The following TSHR variants were observed in gnomAD, a reference collection of about 807,000 sequenced individuals.
TSHR encodes the protein thyroid stimulating hormone receptor.
Under a neutral mutation model 64.1 loss-of-function variants are expected in TSHR, and 51 were observed. The observed-to-expected ratio is 0.80, with a 90% CI of 0.64 to 1.01. TSHR has a LOEUF of 1.01. Among genes scored for constraint, TSHR ranks in the 50% least tolerant of loss-of-function variants. The pLI, the probability that TSHR is intolerant of heterozygous loss-of-function variation, is 0.00. For missense variants in TSHR, 877 were observed against 942.8 expected, an observed-to-expected ratio of 0.93 and a Z score of 0.91; for synonymous variants, 361 against 361.9, an observed-to-expected ratio of 1.00 and a Z score of 0.03.
At chr14:81,044,095 T>C (rs142649067) in intron 1 of TSHR, among the ~76,000 whole-genome samples, 65 of 152,290 alleles carry the variant, frequency 4.3e-4, no homozygotes, top group African/African-American at 1.6e-3. Context: ...TGGGATCTAA[T>C]TAAAGTAAAG....
At chr14:81,010,943 T>C (rs866771631) in intron 1 of TSHR, among the ~76,000 whole-genome samples, 8 of 152,080 alleles carry the variant, frequency 5.3e-5, no homozygotes, top group Non-Finnish European at 1.0e-4. Context: ...CGGACATCAC[T>C]GCTTCTTGGT....
chr14:81,125,522 G>C (rs1410178875), intron 8 of TSHR, among the ~76,000 whole-genome samples: 1 of 152,018 alleles, frequency 6.6e-6, no homozygotes, highest in Non-Finnish European at 1.5e-5. Flanking sequence ...CACTGAGCTG[G>C]GACTGCTAAT....
chr14:81,040,555 G>A (rs1432041356), intron 1 of TSHR, among the ~76,000 whole-genome samples: 1 of 151,824 alleles, frequency 6.6e-6, no homozygotes, highest in African/African-American at 2.4e-5. Context: ...TATTTGCAAA[G>A]CATACATCTG....
intron 1 of TSHR, among the ~76,000 whole-genome samples, chr14:81,035,827 A>G (rs987411263): frequency 6.6e-6 from 1 of 152,180 alleles, no homozygotes; most frequent in African/African-American, 2.4e-5. Context: ...ATTTATTGGC[A>G]TCTTCATTCA....
intron 1 of TSHR, among the ~76,000 whole-genome samples, chr14:80,981,042 TG>T (rs1291733927): frequency 1.3e-5 from 2 of 152,212 alleles, no homozygotes; most frequent in African/African-American, 2.4e-5. Flanking sequence ...CTGTAATTCT[TG>T]GGGGTGTCAG....
intron 1 of TSHR, among the ~76,000 whole-genome samples, chr14:81,019,335 A>G (rs981325875): frequency 4.1e-5 from 6 of 146,988 alleles, no homozygotes; most frequent in African/African-American, 1.5e-4. Context: ...CTTTATCTCA[A>G]AAAAAAAAAA....
intron 1 of TSHR, among the ~76,000 whole-genome samples, chr14:81,011,364 G>A (rs373652500): frequency 4.1e-4 from 63 of 152,106 alleles, no homozygotes; most frequent in African/African-American, 1.5e-3. Flanking sequence ...GTTATTAGTT[G>A]TCTGTTCAGG....
At chr14:81,060,480 C>T (rs1005852021) in intron 1 of TSHR, among the ~76,000 whole-genome samples, 4 of 152,090 alleles carry the variant, frequency 2.6e-5, no homozygotes, top group Non-Finnish European at 5.9e-5. Flanking sequence ...CATGGCAAAA[C>T]ACCAGAGGTT....
rs1286180532 is a variant in TSHR, at chr14:81,071,161, A to AC, written c.317+2834dup. On this transcript the variant is annotated intron_variant, in intron 3 of 9. Coordinates refer to ENST00000298171, the MANE Select transcript of TSHR (RefSeq NM_000369.5). ...GTGATTTCTAAAAGCTTTTATGAAA[A>AC]CATTAAAATTTCTCAGTCAGTTATA... Among the ~76,000 whole-genome samples, 14 of 152,300 alleles carry AC rather than the reference A, an allele frequency of 9.2e-5. No homozygotes were observed. The East Asian group carries it at 2.7e-3, about 29-fold the overall frequency.
chr14:80,983,520 A>G, intron 1 of TSHR: 1 of 1,340,226 alleles, frequency 7.5e-7, no homozygotes, highest in South Asian at 1.2e-5. Flanking sequence ...TGGTGTGGCC[A>G]TATTTATTAA....
chr14:81,068,968 C>T (rs776549057), intron 3 of TSHR, among the ~76,000 whole-genome samples: 17 of 152,128 alleles, frequency 1.1e-4, no homozygotes, highest in Non-Finnish European at 1.5e-4. Flanking sequence ...TTTTCTATTT[C>T]GCTAGTAGAT....
intron 1 of TSHR, among the ~76,000 whole-genome samples, chr14:81,024,647 C>T (rs1253681444): frequency 2.6e-5 from 4 of 152,190 alleles, no homozygotes; most frequent in Admixed American, 2.6e-4. Context: ...TTTATACCTG[C>T]TGGTGTAGCT....
chr14:81,030,786 T>C (rs1460599342), intron 1 of TSHR, among the ~76,000 whole-genome samples: 1 of 152,138 alleles, frequency 6.6e-6, no homozygotes, highest in Admixed American at 6.5e-5. Flanking sequence ...ATTGAGAGGA[T>C]TGTCAGGAGA....
At chr14:81,113,499 C>T (rs1019169156) in intron 8 of TSHR, among the ~76,000 whole-genome samples, 4 of 152,122 alleles carry the variant, frequency 2.6e-5, no homozygotes, top group Non-Finnish European at 5.9e-5. Flanking sequence ...TGAGGGGATA[C>T]AGGTATAGAA....
At chr14:81,122,629 C>T (rs1890850851) in intron 8 of TSHR, among the ~76,000 whole-genome samples, 1 of 152,010 alleles carries the variant, frequency 6.6e-6, no homozygotes, top group Non-Finnish European at 1.5e-5. Flanking sequence ...AAGCCAAATC[C>T]TCATCTTCTA....
At position 80,966,824 on chromosome 14, in the gene TSHR, C is replaced by T. The variant is rs191170900; in HGVS notation, c.170+10974C>T. 2.0e-3 allele frequency among the ~76,000 whole-genome samples: 299 copies of T among 152,196 alleles called. 1 individual carries two copies. Among genetic ancestry groups the T allele is most frequent in the African/African-American group, 6.9e-3 (286 of 41,536 alleles). On this transcript the variant is annotated intron_variant, in intron 1 of 9. Coordinates refer to ENST00000298171, the MANE Select transcript of TSHR (RefSeq NM_000369.5). ...GACTGGAAGTCCAAGATGAGGGTGC[C>T]GGCAGATCTGTTGTCTTGTGAGGGC...
In TSHR at chr14:81,139,667, T is replaced by G. The variant is rs1595172445; in HGVS notation, c.693-12T>G. ...ACTGCCTCTCTGCATTTTTCTGTTCTCTGCCTCCCAGGGACGTGTCTCAAA... is the reference window on the plus strand; with the variant it reads ...ACTGCCTCTCTGCATTTTTCTGTTCGCTGCCTCCCAGGGACGTGTCTCAAA... On this transcript the variant is annotated splice_polypyrimidine_tract_variant and intron_variant, in intron 8 of 9. Transcript: ENST00000298171. The G allele has an allele frequency of 6.2e-7, 1 of 1,613,808 alleles. No individual in the cohort carries two copies. The highest frequency in any genetic ancestry group is 8.5e-7 in the Non-Finnish European group (1 of 1,180,044).
At chr14:81,017,643 A>G (rs1318588060) in intron 1 of TSHR, among the ~76,000 whole-genome samples, 2 of 152,088 alleles carry the variant, frequency 1.3e-5, no homozygotes, top group Non-Finnish European at 2.9e-5. Context: ...ATTCCAAACA[A>G]ATAGCCTAGG....
intron 1 of TSHR, among the ~76,000 whole-genome samples, chr14:81,044,617 C>G (rs1035521746): frequency 6.7e-5 from 10 of 148,274 alleles, no homozygotes; most frequent in Non-Finnish European, 1.5e-4. Context: ...GAGATTGCGC[C>G]ACTGCACTCC....
Sources: gnomAD v4.1 joint callset for allele counts (sites outside exome capture counted in the v4.1 genomes callset) on GRCh38, gnomAD v4.1.1 for gene constraint, MANE v1.5 for transcripts, NCBI Gene and HGNC (gene_info 2026-07-23, HGNC 2026-07-21) for gene names.